TTLL11: variants seen among roughly 807,000 people sequenced by gnomAD.
TTLL11 encodes the protein tubulin tyrosine ligase like 11, also known as tubulin polyglutamylase TTLL11.
In TTLL11, 42 loss-of-function variants were observed where a neutral mutation model predicts 51.7. That is an observed-to-expected ratio of 0.81 (90% CI 0.64 to 1.05). The LOEUF (loss-of-function observed/expected upper bound fraction) is 1.05. Ranked by LOEUF, TTLL11 falls within the 50% of genes least tolerant of loss-of-function variation. TTLL11 has a pLI of 0.00. For synonymous variants in TTLL11, 381 were observed against 383.5 expected (o/e 0.99, Z 0.08); for missense variants, 799 against 940.4 (o/e 0.85, Z 1.97).
chr9:122,081,249 A>C (rs992779951), intron 1 of TTLL11, among the ~76,000 whole-genome samples: 11 of 152,358 alleles, frequency 7.2e-5, no homozygotes, highest in African/African-American at 2.6e-4. Flanking sequence ...CACTAGAACA[A>C]GACCTGGCCT....
intron 6 of TTLL11, among the ~76,000 whole-genome samples, chr9:121,936,985 C>T (rs1187769805): frequency 6.6e-6 from 1 of 152,196 alleles, no homozygotes; most frequent in Non-Finnish European, 1.5e-5. Flanking sequence ...TCTGTAATGA[C>T]ACCACAAAAT....
At chr9:122,022,508 A>G (rs1402208323) in intron 3 of TTLL11, among the ~76,000 whole-genome samples, 2 of 151,950 alleles carry the variant, frequency 1.3e-5, no homozygotes, top group African/African-American at 4.8e-5. Flanking sequence ...AGAAAAACAA[A>G]ATGTCCACCT....
chr9:121,999,428 C>A lies in TTLL11; in HGVS notation c.694-9658G>T, dbSNP rs571440923. Among the ~76,000 whole-genome samples, 14 of 152,254 alleles carry A rather than the reference C, an allele frequency of 9.2e-5. No homozygotes were observed. The South Asian group carries it at 2.7e-3, about 29-fold the overall frequency. On this transcript the variant is annotated intron_variant, in intron 3 of 8. Transcript: ENST00000321582. ...GTGTTCCCTCTAACAGTAAACATTA[C>A]CACCATCCATCCATGTCCCCAAGCC... is the stretch of plus-strand genomic sequence containing the variant.
At chr9:122,043,764 A>C (rs1351509434) in intron 1 of TTLL11, among the ~76,000 whole-genome samples, 1 of 152,186 alleles carries the variant, frequency 6.6e-6, no homozygotes, top group Non-Finnish European at 1.5e-5. Flanking sequence ...ACAGAGTGAA[A>C]AGGTAACCCA....
chr9:122,062,824 T>A (rs1588249437), intron 1 of TTLL11, among the ~76,000 whole-genome samples: 1 of 151,386 alleles, frequency 6.6e-6, no homozygotes, highest in Non-Finnish European at 1.5e-5. Flanking sequence ...CTATTAGCCA[T>A]GCTGGAGTGC....
At chr9:121,942,738 A>ATTTTTTTT (rs34352222) in intron 6 of TTLL11, among the ~76,000 whole-genome samples, 5 of 97,880 alleles carry the variant, frequency 5.1e-5, no homozygotes, top group Non-Finnish European at 6.3e-5. Context: ...AATCTGTCTT[A>ATTTTTTTT]TTTTTTTTTT....
At chr9:121,850,679 C>T (rs971546436) in intron 8 of TTLL11, among the ~76,000 whole-genome samples, 1 of 152,140 alleles carries the variant, frequency 6.6e-6, no homozygotes, top group African/African-American at 2.4e-5. Context: ...AGTGAATCTT[C>T]GCCATCCAGT....
intron 8 of TTLL11, among the ~76,000 whole-genome samples, chr9:121,827,102 C>A (rs1378953202): frequency 1.3e-5 from 2 of 152,134 alleles, no homozygotes; most frequent in African/African-American, 4.8e-5. Context: ...ATCACATTTT[C>A]TAGTCTGATG....
chr9:121,945,171 G>A (rs1323908422), intron 6 of TTLL11, among the ~76,000 whole-genome samples: 1 of 152,062 alleles, frequency 6.6e-6, no homozygotes, highest in African/African-American at 2.4e-5. Context: ...ACAGTTGCTG[G>A]CTGTGCTGTC....
At chr9:122,012,802 C>G (rs1843850097) in intron 3 of TTLL11, among the ~76,000 whole-genome samples, 1 of 152,130 alleles carries the variant, frequency 6.6e-6, no homozygotes. Context: ...TAATTCATCT[C>G]AAGATCAGAT....
At position 121,822,672 on chromosome 9, in the gene TTLL11, G is replaced by A. The variant is rs2119100573; in HGVS notation, c.2048C>T (p.Pro683Leu). 6.5e-7 allele frequency: 1 copy of A among 1,544,128 alleles called. No homozygotes were observed. Among genetic ancestry groups the A allele is most frequent in the East Asian group, 2.4e-5 (1 of 40,820 alleles). ...GTTGTCCCCTGCTGGCTGGGCCGAG[G>A]GGGAGGGCTCCTGGGGAGGGCCACG... ...PHRGPPQEPS[P>L]SAQPAGDNPP... is the part of the protein sequence containing the mutation. Residue 683 changes from proline to leucine, a missense_variant, in exon 9 of 9, where the codon CCC becomes CTC. Physicochemically the swap from Pro to Leu is moderately conservative, Grantham distance 98. This residue lies in a region of TTLL11 where 165 missense variants were observed against 166.1 expected (regional missense o/e 0.99). Coordinates refer to ENST00000321582, the MANE Select transcript of TTLL11 (RefSeq NM_001139442.2). This position sits in a 1 kb window ranked among gnomAD's most constrained non-coding sequence, Gnocchi z 5.8.
At chr9:121,971,450 G>A (rs1588165816) in intron 6 of TTLL11, among the ~76,000 whole-genome samples, 3 of 125,488 alleles carry the variant, frequency 2.4e-5, no homozygotes, top group African/African-American at 2.7e-5. Flanking sequence ...AGGTGGGGGG[G>A]GTCAGCCCCC....
intron 6 of TTLL11, among the ~76,000 whole-genome samples, chr9:121,953,651 AAAAG>A (rs1372193355): frequency 2.3e-4 from 17 of 73,904 alleles, no homozygotes; most frequent in African/African-American, 7.5e-4. Context: ...AAAAAAAAAA[AAAAG>A]AAGAAGATTA....
At chr9:121,870,834 C>A in intron 6 of TTLL11, 86 bp from the exon 7 acceptor site, 1 of 1,377,302 alleles carries the variant, frequency 7.3e-7, no homozygotes, top group Non-Finnish European at 9.7e-7. Context: ...CGGGAGGCAG[C>A]ATTACCAGCA....
intron 1 of TTLL11, among the ~76,000 whole-genome samples, chr9:122,081,520 C>T (rs950824138): frequency 6.6e-6 from 1 of 152,212 alleles, no homozygotes; most frequent in African/African-American, 2.4e-5. Context: ...ATACTTACTG[C>T]ACAAAGCCAA....
At chr9:121,852,241 A>G (rs953175459) in intron 8 of TTLL11, among the ~76,000 whole-genome samples, 1 of 152,232 alleles carries the variant, frequency 6.6e-6, no homozygotes, top group Non-Finnish European at 1.5e-5. Flanking sequence ...GTGGTTAGAC[A>G]GAGAAAAAGC....
intron 6 of TTLL11, among the ~76,000 whole-genome samples, chr9:121,898,903 C>A (rs928547966): frequency 6.6e-6 from 1 of 152,198 alleles, no homozygotes; most frequent in Admixed American, 6.5e-5. Context: ...GCCATAAGCA[C>A]CCTCTCCTTG....
At chr9:121,945,913 G>T (rs1056786535) in intron 6 of TTLL11, among the ~76,000 whole-genome samples, 1 of 152,082 alleles carries the variant, frequency 6.6e-6, no homozygotes, top group African/African-American at 2.4e-5. Context: ...CCTGAACATG[G>T]AGGTAAGATA....
chr9:122,028,537 A>T (rs1204193854), intron 3 of TTLL11, among the ~76,000 whole-genome samples: 4 of 152,212 alleles, frequency 2.6e-5, no homozygotes, highest in Non-Finnish European at 5.9e-5. Context: ...ATGCATGAGG[A>T]AAACACTGAC....
Sources: gnomAD v4.1 joint callset for allele counts (sites outside exome capture counted in the v4.1 genomes callset) on GRCh38, gnomAD v4.1.1 for gene constraint, gnomAD v4.1.1 regional missense constraint, Gnocchi (gnomAD v3.1) non-coding constraint, MANE v1.5 for transcripts, NCBI Gene and HGNC (gene_info 2026-07-23, HGNC 2026-07-21) for gene names.